The following SCAMP5 variants were observed in gnomAD, a reference collection of about 807,000 sequenced individuals.
The protein encoded by SCAMP5 is secretory carrier-associated membrane protein 5.
A neutral mutation model predicts 28.3 loss-of-function variants in SCAMP5; 7 were observed. The ratio of observed to expected loss-of-function variants is 0.25; its 90% CI spans 0.14 to 0.46. The LOEUF is 0.46. Among genes scored for constraint, SCAMP5 ranks in the 20% least tolerant of loss-of-function variants. SCAMP5 has a pLI of 0.99. For synonymous variants in SCAMP5, 117 were observed against 116.4 expected, an observed-to-expected ratio of 1.00 and a Z score of -0.03; for missense variants, 192 against 312.5, an observed-to-expected ratio of 0.61 and a Z score of 2.91.
chr15:75,003,162 A>T (rs2065725325), intron 1 of SCAMP5, among the ~76,000 whole-genome samples: 2 of 152,202 alleles, frequency 1.3e-5, no homozygotes, highest in African/African-American at 4.8e-5. Context: ...ACCTCAAGTG[A>T]TCCGTCCATC....
intron 1 of SCAMP5, among the ~76,000 whole-genome samples, chr15:75,002,793 G>A (rs1487621571): frequency 1.3e-5 from 2 of 151,054 alleles, no homozygotes; most frequent in African/African-American, 4.9e-5. Context: ...AATAGGTAGT[G>A]CATTTATATA....
At chr15:75,006,078 A>G (rs1458456451) in intron 1 of SCAMP5, among the ~76,000 whole-genome samples, 6 of 135,646 alleles carry the variant, frequency 4.4e-5, no homozygotes, top group African/African-American at 1.7e-4. Flanking sequence ...GCTCACTGAA[A>G]CCTCCGCCTC....
In SCAMP5 at chr15:75,016,738, C is replaced by T. The variant is rs1193370122; in HGVS notation, c.282C>T (p.Tyr94=). ...CSYVCWFRPI[Y]KAFKTDSSFS... ...ACGTCTGCTGGTTTCGGCCCATTTA[C>T]AAGGCCTTCAAGTAAGTGGTTGGTG... Residue 94 remains tyrosine (Y), a synonymous_variant, in exon 4 of 7, where the codon TAC becomes TAT. Coordinates refer to ENST00000425597, the MANE Select transcript of SCAMP5 (RefSeq NM_138967.4). 6.2e-7 allele frequency: 1 copy of T among 1,613,554 alleles called. No homozygotes were observed. The highest frequency in any genetic ancestry group is 1.1e-5 in the South Asian group (1 of 91,022).
chr15:75,006,096 C>T (rs1280926295), intron 1 of SCAMP5, among the ~76,000 whole-genome samples: 2 of 146,894 alleles, frequency 1.4e-5, no homozygotes, highest in South Asian at 2.2e-4. Context: ...CTCCCGGGTT[C>T]AAGCTATTCT....
chr15:75,000,440 A>G (rs2065693366), intron 1 of SCAMP5, among the ~76,000 whole-genome samples: 1 of 151,766 alleles, frequency 6.6e-6, no homozygotes, highest in Admixed American at 6.6e-5. Context: ...GCTGGAGTGC[A>G]GTGGCACAAT....
Position 75,018,752 on chromosome 15 carries a change from C to T in SCAMP5, c.514-37C>T. 6.6e-7 allele frequency: 1 copy of T among 1,518,952 alleles called. No homozygotes were observed. The highest frequency in any genetic ancestry group is 9.1e-7 in the Non-Finnish European group (1 of 1,099,852). 94.1% of individuals were successfully genotyped at this position (1,518,952 alleles called of 1,614,324 possible). On this transcript the variant is annotated intron_variant, in intron 6 of 6. Coordinates refer to ENST00000425597, the MANE Select transcript of SCAMP5 (RefSeq NM_138967.4). The surrounding 1 kb of genome is among the most constrained non-coding windows in gnomAD (Gnocchi z 5.6). Reference sequence around the variant, plus strand: ...ATTTCCTGGATGGGCTGCCTTTTCTCTTTGATTAACCCTTCTTTACGCTCT... The same window carrying T: ...ATTTCCTGGATGGGCTGCCTTTTCTTTTTGATTAACCCTTCTTTACGCTCT...
chr15:75,012,632 G>A (rs2065822203), intron 2 of SCAMP5, 45 bp from the exon 3 acceptor site: 11 of 1,611,822 alleles, frequency 6.8e-6, no homozygotes, highest in Non-Finnish European at 8.5e-6. Flanking sequence ...TGGATTGTCG[G>A]GTGGAAGACT....
At chr15:74,999,904 A>G (rs2141423030) in intron 1 of SCAMP5, among the ~76,000 whole-genome samples, 1 of 152,372 alleles carries the variant, frequency 6.6e-6, no homozygotes, top group East Asian at 1.9e-4. Context: ...CCAGTCATTA[A>G]AAAGATTGAG....
intron 1 of SCAMP5, among the ~76,000 whole-genome samples, chr15:75,009,323 G>A (rs1410766921): frequency 1.3e-5 from 2 of 151,946 alleles, no homozygotes; most frequent in African/African-American, 4.8e-5. Flanking sequence ...TCTTTTTGTG[G>A]TAGATGTTAC....
chr15:74,999,464 A>C lies in SCAMP5; in HGVS notation c.-49+3791A>C, dbSNP rs2065682128. 2.0e-5 allele frequency among the ~76,000 whole-genome samples: 3 copies of C among 149,554 alleles called. No homozygotes were observed. The South Asian group carries it at 6.8e-4, about 34-fold the overall frequency. ...ACTACTCTCCCCAGGCCCTTTGCTC[A>C]TGTAGAGGGTGGTTGGGGTGTGTGT... On this transcript the variant is annotated intron_variant, in intron 1 of 6. Transcript: ENST00000425597.
rs189027428 is a variant in SCAMP5 at position 74,999,216 on chromosome 15, C to T, written c.-49+3543C>T. Among the ~76,000 whole-genome samples, 821 of 152,282 alleles carry T rather than the reference C, an allele frequency of 5.4e-3. 7 individuals are homozygous for T. The highest frequency in any genetic ancestry group is 0.019 in the African/African-American group (789 of 41,540). On this transcript the variant is annotated intron_variant, in intron 1 of 6. Coordinates refer to ENST00000425597, the MANE Select transcript of SCAMP5 (RefSeq NM_138967.4). ...TTATGTGCTCTGACCTCAAGGAGAC[C>T]TCTAGTTCTCAGACACCTCCATTTT...
Position 75,001,665 on chromosome 15 carries a change from T to C in SCAMP5, c.-49+5992T>C, listed in dbSNP as rs1405668893. ...GTGGGTGGATCACGAGGTCAGGAGT[T>C]GGACACCAGCCTGGCCAACGTGGTG... On this transcript the variant is annotated intron_variant, in intron 1 of 6. Coordinates refer to ENST00000425597, the MANE Select transcript of SCAMP5 (RefSeq NM_138967.4). Among the ~76,000 whole-genome samples, 5 of 151,854 alleles carry C rather than the reference T, an allele frequency of 3.3e-5. No homozygotes were observed. In the East Asian group the frequency reaches 5.8e-4, roughly 18 times the overall value.
intron 1 of SCAMP5, among the ~76,000 whole-genome samples, chr15:75,008,223 A>T (rs2065778735): frequency 1.3e-5 from 2 of 152,008 alleles, no homozygotes. Flanking sequence ...TTATGTGTAC[A>T]AGTATATTAA....
chr15:75,017,558 T>C, intron 4 of SCAMP5: 1 of 549,790 alleles, frequency 1.8e-6, no homozygotes, highest in Non-Finnish European at 3.2e-6. Context: ...TCCATCCCCT[T>C]GACAATGAGA....
At chr15:75,011,292 C>A (rs1325552831) in intron 1 of SCAMP5, among the ~76,000 whole-genome samples, 1 of 152,172 alleles carries the variant, frequency 6.6e-6, no homozygotes, top group Non-Finnish European at 1.5e-5. Flanking sequence ...TATGTTTTCA[C>A]GGTGGCTGTG....
Position 75,019,043 on chromosome 15 carries a change from A to G in SCAMP5, c.*60A>G. Reference sequence around the variant, plus strand: ...CATTGGGACAGGGGGCTCAAGCCACATCGTCATTTGTGGTTACCAAGCAGG... The same window carrying G: ...CATTGGGACAGGGGGCTCAAGCCACGTCGTCATTTGTGGTTACCAAGCAGG... On this transcript the variant is annotated 3_prime_UTR_variant, in exon 7 of 7. Transcript: ENST00000425597. 3 of 1,247,068 alleles carry G rather than the reference A, an allele frequency of 2.4e-6. No homozygotes were observed. Among genetic ancestry groups the G allele is most frequent in the Non-Finnish European group, 3.3e-6 (3 of 912,468 alleles). 77.3% of individuals were successfully genotyped at this position (1,247,068 alleles called of 1,614,324 possible). A position where few individuals can be genotyped will look rare whatever the true frequency, so the allele number is the denominator to read the frequency against.
intron 1 of SCAMP5, among the ~76,000 whole-genome samples, chr15:75,001,396 C>T (rs9673012): frequency 0.2 from 30,418 of 151,918 alleles, 4,835 homozygotes; most frequent in South Asian, 0.44. Context: ...CCAGAGTGCT[C>T]AGGCTGTGTC....
intron 1 of SCAMP5, among the ~76,000 whole-genome samples, chr15:75,005,400 C>T (rs985019003): frequency 1.3e-4 from 19 of 150,986 alleles, no homozygotes; most frequent in Admixed American, 6.6e-5. Flanking sequence ...GCGGAGGTTG[C>T]GGCGAGCCAC....
At chr15:75,008,602 C>T (rs1378005220) in intron 1 of SCAMP5, among the ~76,000 whole-genome samples, 7 of 151,728 alleles carry the variant, frequency 4.6e-5, no homozygotes, top group African/African-American at 1.2e-4. Context: ...TGGGTTCAAG[C>T]GATTCTCCCA....
Sources: gnomAD v4.1 joint callset for allele counts (sites outside exome capture counted in the v4.1 genomes callset) on GRCh38, gnomAD v4.1.1 for gene constraint, Gnocchi (gnomAD v3.1) non-coding constraint, MANE v1.5 for transcripts, NCBI Gene and HGNC (gene_info 2026-07-23, HGNC 2026-07-21) for gene names.